DNAH2: variants seen among roughly 807,000 people sequenced by gnomAD.
The protein encoded by DNAH2 is axonemal beta dynein heavy chain 2.
DNAH2 carries 323 observed loss-of-function variants against 523.5 expected under a neutral mutation model. The ratio of observed to expected loss-of-function variants is 0.62; its 90% CI spans 0.56 to 0.68. The LOEUF (loss-of-function observed/expected upper bound fraction) is 0.68, where lower values mean the gene tolerates loss of function less well. Among genes scored for constraint, DNAH2 ranks in the 30% least tolerant of loss-of-function variants. DNAH2 has a pLI of 0.00. For missense variants in DNAH2, 4,907 were observed against 5,701.5 expected (o/e 0.86, Z 4.49); for synonymous variants, 2,093 against 2,177.4 (o/e 0.96, Z 1.08).
chr17:7,727,052 G>A, intron 3 of DNAH2, 70 bp from the exon 4 acceptor site: 1 of 1,462,426 alleles, frequency 6.8e-7, no homozygotes, highest in South Asian at 1.6e-5. Flanking sequence ...CCTCACTTGT[G>A]ATTGTGGATG....
intron 61 of DNAH2, among the ~76,000 whole-genome samples, chr17:7,806,599 C>A (rs1386611702): frequency 7.2e-6 from 1 of 139,402 alleles, no homozygotes; most frequent in Non-Finnish European, 1.5e-5. Flanking sequence ...GCGGAGCTTG[C>A]AGTGAGCCGA....
intron 12 of DNAH2, among the ~76,000 whole-genome samples, chr17:7,755,466 T>A (rs2075810408): frequency 6.6e-6 from 1 of 151,964 alleles, no homozygotes; most frequent in Admixed American, 6.6e-5. Context: ...TGAGTGAGGA[T>A]TGGCGAGAGA....
intron 39 of DNAH2, among the ~76,000 whole-genome samples, chr17:7,784,061 G>C (rs1055871383): frequency 1.3e-5 from 2 of 152,004 alleles, no homozygotes; most frequent in African/African-American, 4.8e-5. Flanking sequence ...TCAAAAGAAA[G>C]CTAGGGTAGC....
At position 7,817,361 on chromosome 17, in the gene DNAH2, A is replaced by G. The variant is rs375895814; in HGVS notation, c.9966A>G (p.Gly3322=). The part of the protein sequence containing the change: ...LLAAAFLSYM[G]PFLTNYRDEI... ...CAGCTGCCTTCCTGTCCTACATGGGACCCTTCCTGACCAACTACCGGGATG... is the reference window on the plus strand; with the variant it reads ...CAGCTGCCTTCCTGTCCTACATGGGGCCCTTCCTGACCAACTACCGGGATG... Residue 3322 remains glycine, a synonymous_variant, in exon 65 of 86, where the codon GGA becomes GGG. Coordinates refer to ENST00000572933, the MANE Select transcript of DNAH2 (RefSeq NM_020877.5). The G allele has an allele frequency of 5.6e-6, 9 of 1,612,930 alleles. No homozygotes were observed. Among genetic ancestry groups the G allele is most frequent in the East Asian group, 4.5e-5 (2 of 44,850 alleles).
intron 3 of DNAH2, among the ~76,000 whole-genome samples, chr17:7,725,341 C>T (rs1007368758): frequency 2.0e-5 from 3 of 150,622 alleles, no homozygotes; most frequent in Non-Finnish European, 3.0e-5. Flanking sequence ...CCGCCTACCT[C>T]GGCCTCCCAA....
chr17:7,735,567 T>C (rs2075117806), intron 7 of DNAH2, among the ~76,000 whole-genome samples: 1 of 151,514 alleles, frequency 6.6e-6, no homozygotes, highest in African/African-American at 2.4e-5. Flanking sequence ...GCCTCCTGAG[T>C]AGCTGGGACT....
chr17:7,741,221 C>CT (rs951327750), intron 11 of DNAH2, among the ~76,000 whole-genome samples: 25 of 146,788 alleles, frequency 1.7e-4, no homozygotes, highest in Admixed American at 9.5e-4. Flanking sequence ...TCCTTCCTTT[C>CT]TTTTTTTTCT....
chr17:7,791,645 G>A (rs1393194689), intron 44 of DNAH2, among the ~76,000 whole-genome samples: 3 of 152,142 alleles, frequency 2.0e-5, no homozygotes, highest in African/African-American at 7.2e-5. Flanking sequence ...GCTTTTCCAG[G>A]GCAGGCCTGT....
Position 7,792,007 on chromosome 17 carries a change from G to C in DNAH2, c.6991G>C (p.Glu2331Gln), listed in dbSNP as rs1468027618. ...MIWSVCASVD[E>Q]EGRKRIDSYL... ...CTGGTCTGTGTGTGCCTCTGTGGATGAGGAGGGCCGGAAGAGGATCGACAG... is the reference window on the plus strand; with the variant it reads ...CTGGTCTGTGTGTGCCTCTGTGGATCAGGAGGGCCGGAAGAGGATCGACAG... Residue 2331 changes from glutamate to glutamine, a missense_variant, in exon 45 of 86, where the codon GAG becomes CAG. By Grantham distance (29) the Glu-to-Gln change is conservative. Around this residue, in one of 3 missense-constraint regions of DNAH2, gnomAD observed 2,806 missense variants for 3,190.8 expected, o/e 0.88. Coordinates refer to ENST00000572933, the MANE Select transcript of DNAH2 (RefSeq NM_020877.5). The C allele has an allele frequency of 3.1e-6, 5 of 1,614,030 alleles. No individual in the cohort carries two copies. The highest frequency in any genetic ancestry group is 3.4e-6 in the Non-Finnish European group (4 of 1,180,014).
In DNAH2 at chr17:7,786,497, C is replaced by T; in HGVS notation, c.6349-73C>T. 2 of 1,501,194 alleles carry T rather than the reference C, an allele frequency of 1.3e-6. No homozygotes were observed. Among genetic ancestry groups the T allele is most frequent in the Non-Finnish European group, 9.2e-7 (1 of 1,087,822 alleles). The allele number at this position is 1,501,194 out of a possible 1,614,324, so 93.0% of individuals were successfully genotyped here. ...TGAGAGAAGGGACAAATGCACGTAC[C>T]TAAGAGGGGTCTGGAAATAAAGAGG... On this transcript the variant is annotated intron_variant, in intron 40 of 85. Coordinates refer to ENST00000572933, the MANE Select transcript of DNAH2 (RefSeq NM_020877.5). This position sits in a 1 kb window ranked among gnomAD's most constrained non-coding sequence, Gnocchi z 7.5.
In DNAH2 at chr17:7,794,359, G is replaced by A; in HGVS notation, c.7674+1G>A. 2 of 1,603,704 alleles carry A rather than the reference G, an allele frequency of 1.2e-6. No homozygotes were observed. The highest frequency in any genetic ancestry group is 1.7e-6 in the Non-Finnish European group (2 of 1,175,056). On this transcript the variant is annotated splice_donor_variant, in intron 49 of 85. Transcript: ENST00000572933. LOFTEE classifies it high-confidence loss of function. ...CATTATCAACATGACCTTCCCCACA[G>A]TGAGGACCTCATGGGGGCTGCAGGA...
intron 11 of DNAH2, among the ~76,000 whole-genome samples, chr17:7,741,293 T>C (rs757439005): frequency 0.21 from 12,428 of 59,842 alleles, 1,140 homozygotes; most frequent in East Asian, 0.38. Flanking sequence ...TTTCTTTCTT[T>C]CTTCCTTCCT....
In DNAH2 at chr17:7,828,485, T is replaced by G. The variant is rs1200844117; in HGVS notation, c.11854-1815T>G. On this transcript the variant is annotated intron_variant, in intron 77 of 85. Transcript: ENST00000572933. This position sits in a 1 kb window ranked among gnomAD's most constrained non-coding sequence, Gnocchi z 4.1. Reference sequence around the variant, plus strand: ...TTTTTTTAGACAGAGAGGGTCTTGCTCTATAGCCCAGGTGGAGTGCAGTGG... The same window carrying G: ...TTTTTTTAGACAGAGAGGGTCTTGCGCTATAGCCCAGGTGGAGTGCAGTGG... Among the ~76,000 whole-genome samples, 1 of 152,188 alleles carries G rather than the reference T, an allele frequency of 6.6e-6. No homozygotes were observed. The highest frequency in any genetic ancestry group is 2.4e-5 in the African/African-American group (1 of 41,394).
At position 7,773,383 on chromosome 17, in the gene DNAH2, C is replaced by T. The variant is rs572128915; in HGVS notation, c.4502-1376C>T. Among the ~76,000 whole-genome samples the T allele has an allele frequency of 6.6e-5, 10 of 152,214 alleles. No individual in the cohort carries two copies. The South Asian group carries it at 1.7e-3, about 25-fold the overall frequency. Reference sequence around the variant, plus strand: ...TTGGCCAGTGGATCCCCAAGTTCTTCCTCCAGCCCTTCTTTTCTTTTTTGC... The same window carrying T: ...TTGGCCAGTGGATCCCCAAGTTCTTTCTCCAGCCCTTCTTTTCTTTTTTGC... On this transcript the variant is annotated intron_variant, in intron 28 of 85. Coordinates refer to ENST00000572933, the MANE Select transcript of DNAH2 (RefSeq NM_020877.5).
Position 7,770,671 on chromosome 17 carries a change from G to A in DNAH2, c.4181+32G>A, listed in dbSNP as rs200780349. 142 of 1,613,886 alleles carry A rather than the reference G, an allele frequency of 8.8e-5. No individual in the cohort carries two copies. In the East Asian group the frequency reaches 3.1e-3, roughly 35 times the overall value. On this transcript the variant is annotated intron_variant, in intron 26 of 85. Coordinates refer to ENST00000572933, the MANE Select transcript of DNAH2 (RefSeq NM_020877.5). ...GGAGCTGGGGCTCTAGGAGAATGGA[G>A]GGCTGTGTGACCCAGGCTGCAGAGT...
intron 44 of DNAH2, 109 bp downstream of exon 44, chr17:7,788,353 T>G (rs2076803957): frequency 7.4e-7 from 1 of 1,345,574 alleles, no homozygotes; most frequent in Non-Finnish European, 1.0e-6. Context: ...CAGGCTTGAG[T>G]GGAGCAGAGA....
In DNAH2 at chr17:7,797,726, G is replaced by A. The variant is rs1255905032; in HGVS notation, c.8127G>A (p.Leu2709=). The A allele has an allele frequency of 6.8e-6, 11 of 1,614,164 alleles. No homozygotes were observed. Among genetic ancestry groups the A allele is most frequent in the East Asian group, 4.5e-5 (2 of 44,882 alleles). The stretch of plus-strand genomic sequence containing the variant: ...AGGTGTATGAAGACCTCACGGATCT[G>A]ACAGTGCTGAAGACAGTCATGGAGA... The part of the protein sequence containing the change: ...EPKVYEDLTD[L]TVLKTVMETA... Residue 2709 remains leucine (L), a synonymous_variant, in exon 53 of 86, where the codon CTG becomes CTA. Coordinates refer to ENST00000572933, the MANE Select transcript of DNAH2 (RefSeq NM_020877.5).
chr17:7,759,805 C>T lies in DNAH2; in HGVS notation c.2652C>T (p.Pro884=), dbSNP rs758378686. 5.6e-6 allele frequency: 9 copies of T among 1,614,104 alleles called. No homozygotes were observed. The East Asian group carries it at 1.6e-4, about 28-fold the overall frequency. The change falls in exon 17 of 86, where the codon CCC becomes CCT. Residue 884 remains proline (P), a synonymous_variant. Coordinates refer to ENST00000572933, the MANE Select transcript of DNAH2 (RefSeq NM_020877.5). ...QGSVAQVEFS[P]TLQTLAGVVN... ...GTTCCTCACAGGTGGAATTCTCACC[C>T]ACTCTGCAGACTTTGGCAGGTGTGG...
chr17:7,797,726 G>C lies in DNAH2; in HGVS notation c.8127G>C (p.Leu2709=). Residue 2709 remains leucine (L), a synonymous_variant, in exon 53 of 86, where the codon CTG becomes CTC. Coordinates refer to ENST00000572933, the MANE Select transcript of DNAH2 (RefSeq NM_020877.5). ...AGGTGTATGAAGACCTCACGGATCTGACAGTGCTGAAGACAGTCATGGAGA... is the reference window on the plus strand; with the variant it reads ...AGGTGTATGAAGACCTCACGGATCTCACAGTGCTGAAGACAGTCATGGAGA... ...EPKVYEDLTD[L]TVLKTVMETA... is the part of the protein sequence containing the mutation. 1 of 1,614,164 alleles carries C rather than the reference G, an allele frequency of 6.2e-7. No homozygotes were observed. Among genetic ancestry groups the C allele is most frequent in the Non-Finnish European group, 8.5e-7 (1 of 1,180,044 alleles).
Sources: allele counts gnomAD v4.1 joint callset (sites outside exome capture counted in the v4.1 genomes callset), GRCh38; gene constraint gnomAD v4.1.1; regional missense constraint gnomAD v4.1.1; non-coding constraint Gnocchi (gnomAD v3.1); transcripts MANE v1.5; gene names NCBI Gene and HGNC (gene_info 2026-07-23, HGNC 2026-07-21).